The following CSMD1 variants were observed in gnomAD, a reference collection of about 807,000 sequenced individuals.
CSMD1 encodes CUB and Sushi multiple domains 1, also known as CUB and sushi domain-containing protein 1.
CSMD1 carries 213 observed loss-of-function variants against 417.5 expected under a neutral mutation model. The observed-to-expected ratio is 0.51, with a 90% CI of 0.46 to 0.57. CSMD1 has a LOEUF of 0.57. CSMD1 is among the 20% of genes least tolerant of loss of function. The pLI, the probability that CSMD1 is intolerant of heterozygous loss-of-function variation, is 0.00. For synonymous variants in CSMD1, 2,862 were observed against 1,736.8 expected (o/e 1.65, Z -16.11); for missense variants, 6,923 against 4,529.7 (o/e 1.53, Z -15.17).
chr8:3,631,496 G>A (rs979301546), intron 7 of CSMD1, among the ~76,000 whole-genome samples: 1 of 152,320 alleles, frequency 6.6e-6, no homozygotes, highest in Non-Finnish European at 1.5e-5. Context: ...CAGGCAGATA[G>A]GCCGGGAATA....
intron 2 of CSMD1, among the ~76,000 whole-genome samples, chr8:4,520,024 A>G (rs1197740934): frequency 6.6e-6 from 1 of 151,786 alleles, no homozygotes; most frequent in Admixed American, 6.6e-5. Flanking sequence ...TTAGAAATAA[A>G]TTAGAATAAA....
chr8:4,032,037 T>G lies in CSMD1; in HGVS notation c.478A>C (p.Arg160=), dbSNP rs749545549. 1.2e-6 allele frequency: 2 copies of G among 1,614,004 alleles called. No homozygotes were observed. Among genetic ancestry groups the G allele is most frequent in the Non-Finnish European group, 8.5e-7 (1 of 1,179,884 alleles). Residue 160 remains arginine, a synonymous_variant, in exon 4 of 70, where the codon AGA becomes CGA. Transcript: ENST00000635120. The part of the protein sequence containing the change: ...EILKGVLHGT[R]FNIGDKIRYS... ...CGGATTTTGTCTCCTATGTTGAATCTCGTTCCATGCAGAACTCCTTTCAGG... is the reference window on the plus strand; with the variant it reads ...CGGATTTTGTCTCCTATGTTGAATCGCGTTCCATGCAGAACTCCTTTCAGG...
chr8:3,123,080 T>C (rs1190923124), intron 41 of CSMD1, among the ~76,000 whole-genome samples: 5 of 152,228 alleles, frequency 3.3e-5, no homozygotes, highest in South Asian at 2.1e-4. Flanking sequence ...ATTGTTTTTG[T>C]TGTTATCACC....
chr8:3,574,878 G>C (rs1030897947), intron 10 of CSMD1, 67 bp downstream of exon 10: 4 of 1,528,526 alleles, frequency 2.6e-6, no homozygotes, highest in African/African-American at 2.8e-5. Context: ...TGGGCTGTTT[G>C]CTTCAACAAT....
chr8:3,497,491 G>C (rs1195992414), intron 10 of CSMD1, among the ~76,000 whole-genome samples: 2 of 152,050 alleles, frequency 1.3e-5, no homozygotes, highest in East Asian at 1.9e-4. Context: ...ACTGCAACCT[G>C]TCTCCTGGGT....
intron 18 of CSMD1, among the ~76,000 whole-genome samples, chr8:3,380,308 A>C (rs1257596917): frequency 6.6e-6 from 1 of 152,228 alleles, no homozygotes; most frequent in African/African-American, 2.4e-5. Context: ...AAATTAGTTC[A>C]ACCATTGTGG....
Position 3,034,887 on chromosome 8 carries a change from C to T in CSMD1, c.7661-5374G>A, listed in dbSNP as rs142968449. Reference sequence around the variant, plus strand: ...TAAGAACTGGAGCAAAAATATGACTCGAACATCACAGAAGGCAAAGCGTGA... The same window carrying T: ...TAAGAACTGGAGCAAAAATATGACTTGAACATCACAGAAGGCAAAGCGTGA... On this transcript the variant is annotated intron_variant, in intron 50 of 69. Coordinates refer to ENST00000635120, the MANE Select transcript of CSMD1 (RefSeq NM_033225.6). 6.5e-4 allele frequency among the ~76,000 whole-genome samples: 99 copies of T among 152,212 alleles called. 3 individuals are homozygous for T. In the East Asian group the frequency reaches 0.012, roughly 18 times the overall value.
At position 3,189,964 on chromosome 8, in the gene CSMD1, C is replaced by T. The variant is rs754641625; in HGVS notation, c.5346G>A (p.Gln1782=). The part of the protein sequence containing the change: ...LLQGSTALHC[Q]SVPNALAQWN... ...ACTGTGCCAAGGCGTTGGGCACGGA[C>T]TGGCAGTGGAGCGCCGTGGAACCCT... The change falls in exon 34 of 70, where the codon CAG becomes CAA. Residue 1782 remains glutamine (Q), a synonymous_variant. Transcript: ENST00000635120. 3 of 1,598,878 alleles carry T rather than the reference C, an allele frequency of 1.9e-6. No individual in the cohort carries two copies. In the Admixed American group the frequency reaches 5.2e-5, roughly 28 times the overall value.
intron 3 of CSMD1, among the ~76,000 whole-genome samples, chr8:4,247,791 A>T (rs2656278): frequency 2.6e-5 from 4 of 152,038 alleles, no homozygotes; most frequent in Non-Finnish European, 5.9e-5. Context: ...TGAAAAAAGT[A>T]CTGTGGGAGC....
At chr8:4,275,399 G>T (rs919770712) in intron 3 of CSMD1, among the ~76,000 whole-genome samples, 10 of 152,204 alleles carry the variant, frequency 6.6e-5, no homozygotes, top group South Asian at 4.1e-4. Flanking sequence ...TTAAAGGAAA[G>T]GACAAAGGAG....
intron 7 of CSMD1, among the ~76,000 whole-genome samples, chr8:3,624,047 T>C (rs1276090530): frequency 6.6e-6 from 1 of 152,202 alleles, no homozygotes; most frequent in African/African-American, 2.4e-5. Flanking sequence ...CATTATGCGT[T>C]GAAGGGCTTT....
chr8:3,543,480 G>A (rs1028533800), intron 10 of CSMD1, among the ~76,000 whole-genome samples: 3 of 152,166 alleles, frequency 2.0e-5, no homozygotes, highest in African/African-American at 7.2e-5. Flanking sequence ...AAGCAGTGAT[G>A]ATTGCCGAGA....
At chr8:4,888,689 G>A (rs1054847799) in intron 1 of CSMD1, among the ~76,000 whole-genome samples, 35 of 152,086 alleles carry the variant, frequency 2.3e-4, no homozygotes, top group Non-Finnish European at 2.8e-4. Flanking sequence ...GGGTCCTTGA[G>A]GTAATGACTC....
intron 3 of CSMD1, among the ~76,000 whole-genome samples, chr8:4,121,246 C>G (rs1802471872): frequency 6.6e-6 from 1 of 152,108 alleles, no homozygotes; most frequent in South Asian, 2.1e-4. Context: ...TCCCAGCTAT[C>G]TGGGATTACA....
intron 5 of CSMD1, among the ~76,000 whole-genome samples, chr8:3,989,150 G>A (rs936875021): frequency 6.6e-6 from 1 of 152,202 alleles, no homozygotes; most frequent in Non-Finnish European, 1.5e-5. Context: ...ATTTTGCTAA[G>A]GGTTTTCCAA....
intron 3 of CSMD1, among the ~76,000 whole-genome samples, chr8:4,099,384 C>G (rs1302160295): frequency 6.6e-6 from 1 of 152,080 alleles, no homozygotes; most frequent in East Asian, 1.9e-4. Flanking sequence ...CGCCTCACCT[C>G]CTATCGCTTA....
chr8:3,216,696 A>G (rs1188755817), intron 29 of CSMD1, among the ~76,000 whole-genome samples: 2 of 152,226 alleles, frequency 1.3e-5, no homozygotes, highest in African/African-American at 4.8e-5. Context: ...TTCTAACTAG[A>G]TGACTTCATA....
At chr8:3,901,557 A>C (rs1308366576) in intron 5 of CSMD1, among the ~76,000 whole-genome samples, 1 of 152,232 alleles carries the variant, frequency 6.6e-6, no homozygotes, top group Admixed American at 6.5e-5. Context: ...ACGTTTGCTC[A>C]TAAAGTAGAG....
intron 2 of CSMD1, among the ~76,000 whole-genome samples, chr8:4,614,327 T>G (rs899512931): frequency 6.6e-6 from 1 of 152,152 alleles, no homozygotes. Context: ...AATCCTGTCT[T>G]GAAGGTAGCA....
Sources: allele counts gnomAD v4.1 joint callset (sites outside exome capture counted in the v4.1 genomes callset), GRCh38; gene constraint gnomAD v4.1.1; transcripts MANE v1.5; gene names NCBI Gene and HGNC (gene_info 2026-07-23, HGNC 2026-07-21).